The following CCDC148 variants were observed in gnomAD, a reference collection of about 807,000 sequenced individuals.
The protein encoded by CCDC148 is coiled-coil domain containing 148.
A neutral mutation model predicts 85.7 loss-of-function variants in CCDC148; 89 were observed. That is an observed-to-expected ratio of 1.04 (90% CI 0.87 to 1.24). The LOEUF is 1.24. CCDC148 is among the 50% of genes most tolerant of loss of function. CCDC148 has a pLI of 0.00. For missense variants in CCDC148, 692 were observed against 671.7 expected (o/e 1.03, Z -0.33); for synonymous variants, 230 against 213.9 (o/e 1.08, Z -0.66).
chr2:158,261,070 A>G (rs1394552197), intron 9 of CCDC148, among the ~76,000 whole-genome samples: 1 of 151,980 alleles, frequency 6.6e-6, no homozygotes, highest in Non-Finnish European at 1.5e-5. Context: ...AATCACAAGC[A>G]AAAAGAACAA....
intron 1 of CCDC148, among the ~76,000 whole-genome samples, chr2:158,362,026 C>A (rs1039650983): frequency 2.4e-4 from 35 of 146,580 alleles, no homozygotes; most frequent in African/African-American, 7.0e-4. Context: ...GCAGGGATTG[C>A]AATTTAGTCT....
At chr2:158,325,088 GA>G (rs58238350) in intron 7 of CCDC148, among the ~76,000 whole-genome samples, 33,582 of 143,004 alleles carry the variant, frequency 0.23, 4,588 homozygotes, top group African/African-American at 0.4. Context: ...TCTCCTATTT[GA>G]AAAAAAAAAA....
chr2:158,273,266 G>T (rs1388580783), intron 9 of CCDC148, among the ~76,000 whole-genome samples: 1 of 152,164 alleles, frequency 6.6e-6, no homozygotes, highest in East Asian at 1.9e-4. Flanking sequence ...TTGCAGGCAT[G>T]ATATATAGGG....
intron 9 of CCDC148, among the ~76,000 whole-genome samples, chr2:158,266,930 GCACACA>G (rs1689487982): frequency 1.4e-5 from 2 of 147,478 alleles, no homozygotes; most frequent in Admixed American, 6.8e-5. Context: ...ACATATATAT[GCACACA>G]TATATATGTG....
chr2:158,313,453 G>A (rs1692131864), intron 8 of CCDC148, among the ~76,000 whole-genome samples: 1 of 152,208 alleles, frequency 6.6e-6, no homozygotes, highest in Admixed American at 6.5e-5. Context: ...GCATCTGGCT[G>A]TATGGACATC....
chr2:158,313,042 A>G (rs1018363934), intron 8 of CCDC148, among the ~76,000 whole-genome samples: 1 of 152,226 alleles, frequency 6.6e-6, no homozygotes, highest in African/African-American at 2.4e-5. Context: ...ATGCTATAGC[A>G]TGGCTCACTT....
At chr2:158,419,048 G>A (rs1686645550) in intron 1 of CCDC148, among the ~76,000 whole-genome samples, 1 of 152,228 alleles carries the variant, frequency 6.6e-6, no homozygotes, top group South Asian at 2.1e-4. Context: ...TGTGTGCCAG[G>A]AGTAGCATTA....
chr2:158,436,620 C>A (rs1455963409), intron 1 of CCDC148, among the ~76,000 whole-genome samples: 1 of 151,936 alleles, frequency 6.6e-6, no homozygotes, highest in Admixed American at 6.6e-5. Flanking sequence ...AAGAAATAAC[C>A]AGGATCAGAG....
intron 1 of CCDC148, among the ~76,000 whole-genome samples, chr2:158,452,669 A>AG (rs1190476026): frequency 4.4e-4 from 67 of 152,280 alleles, no homozygotes; most frequent in African/African-American, 1.5e-3. Flanking sequence ...ATTACCAGTT[A>AG]GGGGTCAATG....
chr2:158,358,446 A>C lies in CCDC148; in HGVS notation c.147+3T>G. ...AAAAACACATACACACACAACTTCT[A>C]ACCTTTAGCTTTGCAGAGGCAGAAG... On this transcript the variant is annotated splice_donor_region_variant and intron_variant, in intron 2 of 13. Coordinates refer to ENST00000283233, the MANE Select transcript of CCDC148 (RefSeq NM_138803.4). The C allele has an allele frequency of 6.2e-7, 1 of 1,603,620 alleles. No homozygotes were observed. The highest frequency in any genetic ancestry group is 1.1e-5 in the South Asian group (1 of 89,030).
chr2:158,319,165 C>T (rs536421375), intron 7 of CCDC148, among the ~76,000 whole-genome samples: 71 of 152,292 alleles, frequency 4.7e-4, no homozygotes, highest in Non-Finnish European at 8.8e-4. Flanking sequence ...GAAAAGAAAA[C>T]TGTAGCAGAC....
intron 1 of CCDC148, among the ~76,000 whole-genome samples, chr2:158,376,416 T>C (rs987304097): frequency 4.6e-5 from 7 of 152,118 alleles, no homozygotes; most frequent in Non-Finnish European, 8.8e-5. Flanking sequence ...AGGAGTAATT[T>C]TCCTCTAAAA....
At chr2:158,247,024 T>C (rs1002600333) in intron 10 of CCDC148, among the ~76,000 whole-genome samples, 2 of 152,180 alleles carry the variant, frequency 1.3e-5, no homozygotes, top group Non-Finnish European at 1.5e-5. Context: ...CCTTGATTAC[T>C]TGAGCGTTTT....
intron 1 of CCDC148, among the ~76,000 whole-genome samples, chr2:158,388,713 T>A (rs1396485658): frequency 1.3e-5 from 2 of 152,154 alleles, no homozygotes; most frequent in African/African-American, 2.4e-5. Context: ...CAGGCTGGGC[T>A]CGAACTCCTG....
intron 9 of CCDC148, among the ~76,000 whole-genome samples, chr2:158,283,541 G>A (rs4358078): frequency 6.6e-6 from 1 of 151,970 alleles, no homozygotes; most frequent in African/African-American, 2.4e-5. Flanking sequence ...ATCATCACTG[G>A]CCATCAGAGA....
At chr2:158,387,189 C>G (rs1010289523) in intron 1 of CCDC148, among the ~76,000 whole-genome samples, 5 of 152,028 alleles carry the variant, frequency 3.3e-5, no homozygotes, top group Non-Finnish European at 4.4e-5. Context: ...AGAAGGCAAG[C>G]TTTGGGCACT....
At chr2:158,366,750 C>G (rs10804392) in intron 1 of CCDC148, among the ~76,000 whole-genome samples, 1 of 152,176 alleles carries the variant, frequency 6.6e-6, no homozygotes, top group Non-Finnish European at 1.5e-5. Context: ...GTTGTCTTCA[C>G]CTGCCCAATC....
At chr2:158,399,900 A>T (rs1260751949) in intron 1 of CCDC148, among the ~76,000 whole-genome samples, 1 of 151,562 alleles carries the variant, frequency 6.6e-6, no homozygotes, top group Admixed American at 6.6e-5. Context: ...GCATTCCTAT[A>T]CACAACATAC....
chr2:158,355,159 A>C lies in CCDC148; in HGVS notation c.147+3290T>G, dbSNP rs1365273750. Among the ~76,000 whole-genome samples, 9 of 151,846 alleles carry C rather than the reference A, an allele frequency of 5.9e-5. No homozygotes were observed. In the East Asian group the frequency reaches 7.8e-4, roughly 13 times the overall value. ...CAAAAACTGGAAGCATTCCCTTTGA[A>C]AACTGGCACAAGACAGGGATGCCCT... On this transcript the variant is annotated intron_variant, in intron 2 of 13. Transcript: ENST00000283233.
Sources: gnomAD v4.1 joint callset for allele counts (sites outside exome capture counted in the v4.1 genomes callset) on GRCh38, gnomAD v4.1.1 for gene constraint, MANE v1.5 for transcripts, NCBI Gene and HGNC (gene_info 2026-07-23, HGNC 2026-07-21) for gene names.